IL1RAPL2: variants seen among roughly 807,000 people sequenced by gnomAD.
IL1RAPL2 encodes interleukin 1 receptor accessory protein like 2.
A neutral mutation model predicts 44.1 loss-of-function variants in IL1RAPL2; 3 were observed. The ratio of observed to expected loss-of-function variants is 0.07; its 90% CI spans 0.03 to 0.18. The LOEUF (loss-of-function observed/expected upper bound fraction) is 0.18, where lower values mean the gene tolerates loss of function less well. Among genes scored for constraint, IL1RAPL2 ranks in the 10% least tolerant of loss-of-function variants. The pLI is 1.00. For synonymous variants in IL1RAPL2, 181 were observed against 178.8 expected, an observed-to-expected ratio of 1.01 and a Z score of -0.10; for missense variants, 391 against 496.4, an observed-to-expected ratio of 0.79 and a Z score of 2.02.
At chrX:104,969,166 A>G (rs948547758) in intron 2 of IL1RAPL2, among the ~76,000 whole-genome samples, 2 of 111,111 alleles carry the variant, frequency 1.8e-5, no homozygotes, top group African/African-American at 3.3e-5. Context: ...TAATTCTCTT[A>G]CATAAAAACT....
chrX:105,661,872 TTTTC>T (rs1378433366), intron 6 of IL1RAPL2, among the ~76,000 whole-genome samples: 4 of 112,433 alleles, frequency 3.6e-5, no homozygotes, highest in Non-Finnish European at 7.5e-5. Flanking sequence ...ATTTTTCATC[TTTTC>T]TTTCTTTTAT....
At chrX:105,746,920 A>G (rs942795715) in intron 8 of IL1RAPL2, among the ~76,000 whole-genome samples, 1 of 112,075 alleles carries the variant, frequency 8.9e-6, no homozygotes, top group African/African-American at 3.2e-5. Context: ...AATCAAGTCA[A>G]TTAATGCCCC....
At chrX:105,327,930 C>T (rs1319192500) in intron 5 of IL1RAPL2, among the ~76,000 whole-genome samples, 1 of 111,480 alleles carries the variant, frequency 9.0e-6, no homozygotes. Flanking sequence ...GCAATGTTTT[C>T]ATTTTTTCAT....
intron 2 of IL1RAPL2, among the ~76,000 whole-genome samples, chrX:104,924,739 A>T (rs1872632311): frequency 9.0e-6 from 1 of 111,291 alleles, no homozygotes; most frequent in Non-Finnish European, 1.9e-5. Flanking sequence ...GCCTACGTCA[A>T]AAAGGTAGAA....
At chrX:105,661,699 C>T (rs2037721702) in intron 6 of IL1RAPL2, among the ~76,000 whole-genome samples, 1 of 111,989 alleles carries the variant, frequency 8.9e-6, no homozygotes, top group South Asian at 3.7e-4. Context: ...TTATCAGTTT[C>T]TAATTTCTGT....
intron 2 of IL1RAPL2, among the ~76,000 whole-genome samples, chrX:104,853,889 C>T (rs1470198246): frequency 1.4e-5 from 1 of 71,697 alleles, no homozygotes; most frequent in Non-Finnish European, 2.5e-5. Flanking sequence ...GGCGACAGAG[C>T]GAGACTCCGT....
At chrX:104,889,242 C>G (rs1190329797) in intron 2 of IL1RAPL2, among the ~76,000 whole-genome samples, 1 of 111,445 alleles carries the variant, frequency 9.0e-6, no homozygotes, top group Non-Finnish European at 1.9e-5. Context: ...GCCCCCACCA[C>G]TAGTGAATGC....
chrX:104,762,508 C>T (rs922104705), intron 2 of IL1RAPL2, among the ~76,000 whole-genome samples: 1 of 111,815 alleles, frequency 8.9e-6, no homozygotes. Flanking sequence ...AGTGGATCTA[C>T]CATTCTGGTG....
chrX:105,319,244 A>G (rs1385597787), intron 5 of IL1RAPL2, among the ~76,000 whole-genome samples: 1 of 112,059 alleles, frequency 8.9e-6, no homozygotes, highest in Non-Finnish European at 1.9e-5. Flanking sequence ...GGTAGGAATC[A>G]GTAAGATTAG....
chrX:104,889,797 A>G (rs1394763002), intron 2 of IL1RAPL2, among the ~76,000 whole-genome samples: 2 of 87,997 alleles, frequency 2.3e-5, no homozygotes, highest in Non-Finnish European at 5.1e-5. Context: ...TTACAATCCC[A>G]AATAGACTTT....
At chrX:105,372,765 G>A (rs2035353479) in intron 5 of IL1RAPL2, among the ~76,000 whole-genome samples, 1 of 111,727 alleles carries the variant, frequency 9.0e-6, no homozygotes, top group African/African-American at 3.3e-5. Context: ...GTTTGCTAAG[G>A]ATAATGGCCT....
At chrX:105,165,361 G>A (rs533904558) in intron 2 of IL1RAPL2, among the ~76,000 whole-genome samples, 2 of 111,534 alleles carry the variant, frequency 1.8e-5, no homozygotes, top group South Asian at 7.5e-4. Flanking sequence ...TTCTCCACAT[G>A]CAATCTCTTA....
chrX:105,012,665 A>G (rs2031080774), intron 2 of IL1RAPL2, among the ~76,000 whole-genome samples: 2 of 83,137 alleles, frequency 2.4e-5, no homozygotes, highest in Non-Finnish European at 4.7e-5. Flanking sequence ...ACACACACAC[A>G]CACACACACA....
intron 6 of IL1RAPL2, among the ~76,000 whole-genome samples, chrX:105,680,096 G>A (rs962496327): frequency 9.0e-6 from 1 of 111,200 alleles, no homozygotes; most frequent in Admixed American, 9.5e-5. Context: ...CGCCTCCCAG[G>A]TTCAAGCGAT....
intron 2 of IL1RAPL2, among the ~76,000 whole-genome samples, chrX:104,839,168 A>G (rs1368783955): frequency 9.1e-6 from 1 of 110,489 alleles, no homozygotes; most frequent in African/African-American, 3.3e-5. Flanking sequence ...CTGAAAGGGA[A>G]TGCTACTAGA....
intron 2 of IL1RAPL2, among the ~76,000 whole-genome samples, chrX:104,898,689 A>G (rs770338237): frequency 8.9e-6 from 1 of 112,130 alleles, no homozygotes; most frequent in African/African-American, 3.2e-5. Flanking sequence ...ATTTTTTCCC[A>G]TGAAAGCTTT....
chrX:105,395,538 A>G (rs2035555941), intron 5 of IL1RAPL2, among the ~76,000 whole-genome samples: 1 of 111,053 alleles, frequency 9.0e-6, no homozygotes, highest in Non-Finnish European at 1.9e-5. Context: ...GACATCATAT[A>G]TCTTCAGTAC....
At chrX:104,609,540 G>T (rs1251470298) in intron 1 of IL1RAPL2, among the ~76,000 whole-genome samples, 1 of 112,064 alleles carries the variant, frequency 8.9e-6, no homozygotes, top group African/African-American at 3.2e-5. Flanking sequence ...TGGATGCTTT[G>T]CTCATTGCTT....
chrX:105,344,431 C>T (rs2035094906), intron 5 of IL1RAPL2, among the ~76,000 whole-genome samples: 1 of 111,188 alleles, frequency 9.0e-6, no homozygotes, highest in African/African-American at 3.3e-5. Context: ...CTGTTGACCT[C>T]ATGTCTGTGT....
Sources: gnomAD v4.1 joint callset for allele counts (sites outside exome capture counted in the v4.1 genomes callset) on GRCh38, gnomAD v4.1.1 for gene constraint, MANE v1.5 for transcripts, NCBI Gene and HGNC (gene_info 2026-07-23, HGNC 2026-07-21) for gene names.